LHFPL6: variants seen among roughly 807,000 people sequenced by gnomAD.
The protein encoded by LHFPL6 is LHFPL tetraspan subfamily member 6, also known as LHFPL tetraspan subfamily member 6 protein.
A neutral mutation model predicts 20.6 loss-of-function variants in LHFPL6; 9 were observed. That is an observed-to-expected ratio of 0.44 (90% confidence interval 0.26 to 0.76). The LOEUF (loss-of-function observed/expected upper bound fraction) is 0.76. Ranked by LOEUF, LHFPL6 falls within the 30% of genes least tolerant of loss-of-function variation. LHFPL6 has a pLI of 0.20. For missense variants in LHFPL6, 218 were observed against 253.5 expected, an observed-to-expected ratio of 0.86 and a Z score of 0.95; for synonymous variants, 105 against 98.7, an observed-to-expected ratio of 1.06 and a Z score of -0.38.
intron 2 of LHFPL6, among the ~76,000 whole-genome samples, chr13:39,398,110 G>A (rs1015164104): frequency 6.6e-6 from 1 of 152,156 alleles, no homozygotes; most frequent in East Asian, 1.9e-4. Context: ...AGGACTGCAT[G>A]GCTGGGACAC....
In LHFPL6 at chr13:39,459,194, ATGTGTGTGTGTGTGTGTGTGTGTG is replaced by A. The variant is rs58955444; in HGVS notation, c.386-80692_386-80669del. On this transcript the variant is annotated intron_variant, in intron 2 of 3. Transcript: ENST00000379589. ...CAGTAATAGCTGGACAAGTTCCTTA[ATGTGTGTGTGTGTGTGTGTGTGTG>A]TGTGTGTGTGTGTGTGTGTGTGTTC... 1.7e-3 allele frequency among the ~76,000 whole-genome samples: 229 copies of A among 136,066 alleles called. 2 individuals carry two copies. In the East Asian group the frequency reaches 0.038, roughly 23 times the overall value. 89.3% of individuals were successfully genotyped at this position (136,066 alleles called of 152,430 possible). A position where few individuals can be genotyped will look rare whatever the true frequency, so the allele number is the denominator to read the frequency against.
chr13:39,588,118 G>A (rs966041941), intron 2 of LHFPL6, among the ~76,000 whole-genome samples: 2 of 152,056 alleles, frequency 1.3e-5, no homozygotes, highest in Non-Finnish European at 2.9e-5. Context: ...TGAGGCTGCT[G>A]AGCCCCTCAC....
chr13:39,387,000 G>A (rs1342127646), intron 2 of LHFPL6, among the ~76,000 whole-genome samples: 1 of 152,100 alleles, frequency 6.6e-6, no homozygotes, highest in Non-Finnish European at 1.5e-5. Context: ...CGAGCTATAG[G>A]TTTTGCCTCT....
chr13:39,357,578 T>C (rs1593283694), intron 3 of LHFPL6, among the ~76,000 whole-genome samples: 1 of 152,222 alleles, frequency 6.6e-6, no homozygotes, highest in Non-Finnish European at 1.5e-5. Context: ...GCTGGTGATA[T>C]GATTCTATAC....
At chr13:39,370,766 T>C (rs555500174) in intron 3 of LHFPL6, among the ~76,000 whole-genome samples, 8 of 152,344 alleles carry the variant, frequency 5.3e-5, no homozygotes, top group African/African-American at 1.9e-4. Flanking sequence ...ACAGGAGTCA[T>C]AGGAGCTTTC....
chr13:39,440,524 C>T (rs932431964), intron 2 of LHFPL6, among the ~76,000 whole-genome samples: 12 of 152,072 alleles, frequency 7.9e-5, no homozygotes, highest in African/African-American at 2.2e-4. Context: ...AATACATAGG[C>T]ACTTTCTTTG....
intron 2 of LHFPL6, among the ~76,000 whole-genome samples, chr13:39,551,167 G>A (rs1020725819): frequency 6.6e-6 from 1 of 152,140 alleles, no homozygotes; most frequent in East Asian, 1.9e-4. Flanking sequence ...ATGCCACAGA[G>A]TGGGTAATTT....
intron 2 of LHFPL6, among the ~76,000 whole-genome samples, chr13:39,527,146 T>A (rs1870315074): frequency 6.6e-6 from 1 of 152,208 alleles, no homozygotes; most frequent in South Asian, 2.1e-4. Flanking sequence ...GAAATTTGCA[T>A]TCTAGGTTAA....
chr13:39,568,669 G>T (rs1871806149), intron 2 of LHFPL6, among the ~76,000 whole-genome samples: 1 of 152,104 alleles, frequency 6.6e-6, no homozygotes, highest in Non-Finnish European at 1.5e-5. Context: ...CTTTTTCTCT[G>T]CATGATGCAT....
intron 2 of LHFPL6, among the ~76,000 whole-genome samples, chr13:39,500,354 C>T (rs962053722): frequency 6.6e-6 from 1 of 152,080 alleles, no homozygotes; most frequent in African/African-American, 2.4e-5. Flanking sequence ...AGGTGCATGC[C>T]ATCATGCCTG....
intron 2 of LHFPL6, among the ~76,000 whole-genome samples, chr13:39,428,069 A>G (rs1871690582): frequency 6.6e-6 from 1 of 152,150 alleles, no homozygotes; most frequent in African/African-American, 2.4e-5. Flanking sequence ...GCCTCTTTGG[A>G]ACTGTTTACT....
At chr13:39,461,462 T>C (rs898028254) in intron 2 of LHFPL6, among the ~76,000 whole-genome samples, 4 of 152,196 alleles carry the variant, frequency 2.6e-5, no homozygotes, top group Non-Finnish European at 4.4e-5. Context: ...CAGCAATGTA[T>C]AAGCACTATC....
chr13:39,522,580 C>T (rs1248385489), intron 2 of LHFPL6, among the ~76,000 whole-genome samples: 2 of 152,228 alleles, frequency 1.3e-5, no homozygotes, highest in Non-Finnish European at 2.9e-5. Context: ...TTCCACATCC[C>T]TTTTAAGGTT....
At chr13:39,489,586 G>A (rs1284274280) in intron 2 of LHFPL6, among the ~76,000 whole-genome samples, 1 of 150,900 alleles carries the variant, frequency 6.6e-6, no homozygotes, top group Non-Finnish European at 1.5e-5. Flanking sequence ...ATAGGGTCTC[G>A]CTCTGTTACC....
In LHFPL6 at chr13:39,378,450, G is replaced by A. The variant is rs765889252; in HGVS notation, c.462C>T (p.Tyr154=). 1 of 1,613,924 alleles carries A rather than the reference G, an allele frequency of 6.2e-7. No homozygotes were observed. Among genetic ancestry groups the A allele is most frequent in the South Asian group, 1.1e-5 (1 of 91,072 alleles). ...TACCCAGGTCAAACTGGCCAGAAGTGTAGCCACAAGTCTGCCGGACTTCCT... is the reference window on the plus strand; with the variant it reads ...TACCCAGGTCAAACTGGCCAGAAGTATAGCCACAAGTCTGCCGGACTTCCT... ...DSEEVRQTCG[Y]TSGQFDLGKC... The change falls in exon 3 of 4, where the codon TAC becomes TAT. Residue 154 remains tyrosine, a synonymous_variant. Coordinates refer to ENST00000379589, the MANE Select transcript of LHFPL6 (RefSeq NM_005780.3).
chr13:39,565,490 A>G (rs1477645103), intron 2 of LHFPL6, among the ~76,000 whole-genome samples: 1 of 152,256 alleles, frequency 6.6e-6, no homozygotes, highest in Non-Finnish European at 1.5e-5. Context: ...CATAACTATC[A>G]GACAGCAGAA....
At chr13:39,442,543 A>AT (rs1190616115) in intron 2 of LHFPL6, among the ~76,000 whole-genome samples, 2 of 152,188 alleles carry the variant, frequency 1.3e-5, no homozygotes, top group African/African-American at 4.8e-5. Context: ...ATGAAAGAAG[A>AT]AGGCATAGGC....
chr13:39,571,831 G>A (rs2138530992), intron 2 of LHFPL6, among the ~76,000 whole-genome samples: 1 of 152,356 alleles, frequency 6.6e-6, no homozygotes, highest in East Asian at 1.9e-4. Context: ...TTCCCCTCAA[G>A]GTGACATGCC....
intron 2 of LHFPL6, among the ~76,000 whole-genome samples, chr13:39,486,132 G>T (rs180874377): frequency 2.0e-5 from 3 of 152,226 alleles, no homozygotes; most frequent in Non-Finnish European, 2.9e-5. Flanking sequence ...AGAACCATTT[G>T]CAGGTCTCAC....
Sources: allele counts gnomAD v4.1 joint callset (sites outside exome capture counted in the v4.1 genomes callset), GRCh38; gene constraint gnomAD v4.1.1; transcripts MANE v1.5; gene names NCBI Gene and HGNC (gene_info 2026-07-23, HGNC 2026-07-21).